The following RNF150 variants were observed in gnomAD, a reference collection of about 807,000 sequenced individuals.
RNF150 encodes ring finger protein 150.
RNF150 carries 24 observed loss-of-function variants against 39.3 expected under a neutral mutation model. That is an observed-to-expected ratio of 0.61 (90% CI 0.44 to 0.86). The LOEUF (loss-of-function observed/expected upper bound fraction) is 0.86, where lower values mean the gene tolerates loss of function less well. Ranked by LOEUF, RNF150 falls within the 40% of genes least tolerant of loss-of-function variation. The pLI is 0.00. For synonymous variants in RNF150, 255 were observed against 227.3 expected (o/e 1.12, Z -1.10); for missense variants, 502 against 587.8 (o/e 0.85, Z 1.51).
chr4:141,119,208 C>G (rs1726532119), intron 1 of RNF150, among the ~76,000 whole-genome samples: 1 of 152,226 alleles, frequency 6.6e-6, no homozygotes, highest in Non-Finnish European at 1.5e-5. Flanking sequence ...AGGTCACAAC[C>G]TGACCTACTT....
intron 1 of RNF150, among the ~76,000 whole-genome samples, chr4:141,067,812 A>G (rs1055381035): frequency 3.3e-5 from 5 of 152,234 alleles, no homozygotes; most frequent in Admixed American, 3.3e-4. Context: ...TAGGAAACAT[A>G]CATGTCAAAA....
At chr4:141,100,803 T>A (rs1738980881) in intron 1 of RNF150, among the ~76,000 whole-genome samples, 1 of 152,240 alleles carries the variant, frequency 6.6e-6, no homozygotes, top group African/African-American at 2.4e-5. Flanking sequence ...TATATGGTAT[T>A]GCCTATTGCT....
chr4:140,955,499 A>C (rs994917995), intron 2 of RNF150, among the ~76,000 whole-genome samples: 1 of 152,206 alleles, frequency 6.6e-6, no homozygotes, highest in African/African-American at 2.4e-5. Context: ...TAAGGTATGT[A>C]AAGTAATGTC....
intron 5 of RNF150, among the ~76,000 whole-genome samples, chr4:140,915,695 G>C (rs1341612659): frequency 6.6e-6 from 1 of 152,234 alleles, no homozygotes; most frequent in Non-Finnish European, 1.5e-5. Flanking sequence ...TTTGAAGAGA[G>C]TAGTGGTTCT....
chr4:141,179,204 G>C (rs1016693216), intron 1 of RNF150, among the ~76,000 whole-genome samples: 2 of 152,172 alleles, frequency 1.3e-5, no homozygotes, highest in Non-Finnish European at 2.9e-5. Context: ...TTGATTGGTA[G>C]ACAGTCAATC....
rs541032184 is a variant in RNF150, at chr4:140,920,502, A to G, written c.987+5475T>C. On this transcript the variant is annotated intron_variant, in intron 5 of 6. Transcript: ENST00000515673. ...CCACAATGAGATACCATCTCACACCAGTTAGAATGGTGATCATTAAACAGT... is the reference window on the plus strand; with the variant it reads ...CCACAATGAGATACCATCTCACACCGGTTAGAATGGTGATCATTAAACAGT... Among the ~76,000 whole-genome samples the G allele has an allele frequency of 2.1e-3, 243 of 116,630 alleles. 4 individuals are homozygous for G. The highest frequency in any genetic ancestry group is 6.8e-3 in the African/African-American group (222 of 32,668). 76.5% of individuals were successfully genotyped at this position (116,630 alleles called of 152,430 possible).
intron 1 of RNF150, among the ~76,000 whole-genome samples, chr4:141,022,929 C>T: frequency 6.6e-6 from 1 of 152,164 alleles, no homozygotes; most frequent in South Asian, 2.1e-4. Flanking sequence ...AAATTTGCCA[C>T]TCTGCAGTGA....
At chr4:141,146,370 GTT>G (rs1727200632) in intron 1 of RNF150, among the ~76,000 whole-genome samples, 1 of 152,036 alleles carries the variant, frequency 6.6e-6, no homozygotes, top group Non-Finnish European at 1.5e-5. Flanking sequence ...GAGAATTATT[GTT>G]TGCTGAATTT....
At chr4:141,108,543 T>G (rs535509982) in intron 1 of RNF150, among the ~76,000 whole-genome samples, 1 of 152,300 alleles carries the variant, frequency 6.6e-6, no homozygotes, top group East Asian at 1.9e-4. Context: ...TCTAAGATGA[T>G]TTTTAAAAAA....
chr4:140,973,875 A>T (rs1000300340), intron 1 of RNF150, among the ~76,000 whole-genome samples: 3 of 80,012 alleles, frequency 3.7e-5, no homozygotes, highest in Middle Eastern at 0.015. Context: ...GACTCTGTTT[A>T]AAAAAAAAAA....
chr4:140,873,180 T>C (rs1729013344), intron 6 of RNF150, among the ~76,000 whole-genome samples: 1 of 152,164 alleles, frequency 6.6e-6, no homozygotes. Context: ...TATTTGAAAT[T>C]TGTCTTCGAA....
At chr4:140,899,237 G>A (rs1447046032) in intron 6 of RNF150, among the ~76,000 whole-genome samples, 1 of 152,162 alleles carries the variant, frequency 6.6e-6, no homozygotes, top group Non-Finnish European at 1.5e-5. Flanking sequence ...TGCCTCAAAA[G>A]GGCTGAACCA....
At position 141,211,681 on chromosome 4, in the gene RNF150, T is replaced by C. The variant is rs572478147; in HGVS notation, c.-6+1113A>G. ...ATTTCATTTATTTTAACTTACTTTG[T>C]TTTTTTTTTGGAGATCTGGTAACTA... is the stretch of plus-strand genomic sequence containing the variant. On this transcript the variant is annotated intron_variant, in intron 1 of 7. Coordinates refer to the RNF150 transcript ENST00000420921. Among the ~76,000 whole-genome samples the C allele has an allele frequency of 8.1e-3, 355 of 43,726 alleles. 3 individuals are homozygous for C. Among genetic ancestry groups the C allele is most frequent in the African/African-American group, 0.021 (337 of 16,318 alleles). 28.7% of individuals were successfully genotyped at this position (43,726 alleles called of 152,430 possible).
intron 1 of RNF150, among the ~76,000 whole-genome samples, chr4:141,160,982 A>G (rs899243465): frequency 1.3e-5 from 2 of 152,218 alleles, no homozygotes; most frequent in African/African-American, 4.8e-5. Context: ...AGGCATTGCT[A>G]TAAGGATACC....
chr4:140,974,666 A>T (rs1302292790), intron 1 of RNF150, among the ~76,000 whole-genome samples: 2 of 152,104 alleles, frequency 1.3e-5, no homozygotes, highest in African/African-American at 4.8e-5. Context: ...AAGACTTGGT[A>T]TTATCACTAT....
At chr4:141,066,200 G>A (rs1284494698) in intron 1 of RNF150, among the ~76,000 whole-genome samples, 4 of 151,122 alleles carry the variant, frequency 2.6e-5, no homozygotes, top group Non-Finnish European at 5.9e-5. Context: ...ATTAGAACAG[G>A]GTGCAATTGT....
intron 1 of RNF150, among the ~76,000 whole-genome samples, chr4:141,010,775 C>G (rs1735047717): frequency 6.6e-6 from 1 of 152,116 alleles, no homozygotes; most frequent in Non-Finnish European, 1.5e-5. Flanking sequence ...GGCTCACCCT[C>G]CAGAAGATGG....
chr4:141,018,951 T>A (rs1578637402), intron 1 of RNF150, among the ~76,000 whole-genome samples: 2 of 151,238 alleles, frequency 1.3e-5, no homozygotes, highest in African/African-American at 4.9e-5. Flanking sequence ...GTCCTAATTA[T>A]AAACATTGCT....
intron 1 of RNF150, among the ~76,000 whole-genome samples, chr4:141,096,149 A>C (rs938296683): frequency 7.5e-6 from 1 of 133,646 alleles, no homozygotes; most frequent in African/African-American, 2.9e-5. Context: ...AGTGGTGTGC[A>C]TTCATATTCT....
Sources: allele counts gnomAD v4.1 joint callset (sites outside exome capture counted in the v4.1 genomes callset), GRCh38; gene constraint gnomAD v4.1.1; transcripts MANE v1.5; gene names NCBI Gene and HGNC (gene_info 2026-07-23, HGNC 2026-07-21).